Variants in SLC4A5 observed in about 807,000 individuals in gnomAD.
The protein encoded by SLC4A5 is solute carrier family 4 member 5.
SLC4A5 carries 96 observed loss-of-function variants against 120.4 expected under a neutral mutation model. The observed-to-expected ratio is 0.80, with a 90% CI of 0.68 to 0.94. The LOEUF (loss-of-function observed/expected upper bound fraction) is 0.94, where lower values mean the gene tolerates loss of function less well. Among genes scored for constraint, SLC4A5 ranks in the 40% least tolerant of loss-of-function variants. The pLI is 0.00. For missense variants in SLC4A5, 1,259 were observed against 1,459.5 expected, an observed-to-expected ratio of 0.86 and a Z score of 2.24; for synonymous variants, 550 against 571.1, an observed-to-expected ratio of 0.96 and a Z score of 0.53.
intron 7 of SLC4A5, 107 bp downstream of exon 7, chr2:74,304,382 T>C (rs1558904837): frequency 2.5e-6 from 3 of 1,180,014 alleles, no homozygotes; most frequent in East Asian, 2.4e-5. Context: ...GGCTGAGCCA[T>C]GTGGAGCGTT....
At position 74,226,947 on chromosome 2, in the gene SLC4A5, C is replaced by T; in HGVS notation, c.3090+10G>A. ...GCCAGGCAGGAGGGGGAAGCCCGTG[C>T]CCACTTTACCATGACCGGGAAGATG... On this transcript the variant is annotated intron_variant, in intron 27 of 30. Transcript: ENST00000394019. 6.2e-7 allele frequency: 1 copy of T among 1,610,464 alleles called. No individual in the cohort carries two copies. The highest frequency in any genetic ancestry group is 8.5e-7 in the Non-Finnish European group (1 of 1,177,506).
intron 19 of SLC4A5, among the ~76,000 whole-genome samples, 168 bp from the exon 20 acceptor site, chr2:74,242,220 T>C (rs576585573): frequency 2.8e-4 from 42 of 152,306 alleles, no homozygotes; most frequent in African/African-American, 9.9e-4. Context: ...AGGGAAGGGC[T>C]GGTGGGACAG....
At chr2:74,317,154 T>C (rs1672989940) in intron 5 of SLC4A5, among the ~76,000 whole-genome samples, 1 of 152,230 alleles carries the variant, frequency 6.6e-6, no homozygotes, top group Non-Finnish European at 1.5e-5. Context: ...GTCTCTGATC[T>C]AACCCTGAGG....
Position 74,252,866 on chromosome 2 carries a change from G to A in SLC4A5, c.1268+108C>T, listed in dbSNP as rs192869378. On this transcript the variant is annotated intron_variant, in intron 15 of 30. Coordinates refer to ENST00000394019, the Ensembl canonical transcript of SLC4A5. ...GCATCCCAAAGTGTTGAGATTACAG[G>A]CATGAGCCACTATGCTGAGCCTCAG... The A allele has an allele frequency of 9.6e-5, 128 of 1,336,836 alleles. No homozygotes were observed. In the African/African-American group the frequency reaches 1.6e-3, roughly 17 times the overall value. 82.8% of individuals were successfully genotyped at this position (1,336,836 alleles called of 1,614,324 possible). A position where few individuals can be genotyped will look rare whatever the true frequency, so the allele number is the denominator to read the frequency against.
At chr2:74,217,547 A>C (rs1694484990) in exon 31 of SLC4A5, 1 of 152,188 alleles carries the variant, frequency 6.6e-6, no homozygotes, top group Non-Finnish European at 1.5e-5. Context: ...AAACATTGAA[A>C]ATTTGCAGGG....
intron 20 of SLC4A5, among the ~76,000 whole-genome samples, chr2:74,241,472 G>T (rs1670442082): frequency 6.6e-6 from 1 of 151,804 alleles, no homozygotes; most frequent in African/African-American, 2.4e-5. Flanking sequence ...CAGGCGCGGT[G>T]GCTCACGCCT....
intron 29 of SLC4A5, 129 bp from the exon 30 acceptor site, chr2:74,221,630 G>A: frequency 1.1e-6 from 1 of 898,466 alleles, no homozygotes; most frequent in Admixed American, 2.1e-5. Flanking sequence ...AGGAATACGG[G>A]GCCTCAGAGA....
intron 7 of SLC4A5, among the ~76,000 whole-genome samples, chr2:74,301,878 T>C (rs1672483852): frequency 6.6e-6 from 1 of 152,208 alleles, no homozygotes; most frequent in Non-Finnish European, 1.5e-5. Context: ...CCGGAGTGTC[T>C]GGAACTGGGG....
chr2:74,299,599 A>C (rs1012289341), intron 7 of SLC4A5, among the ~76,000 whole-genome samples: 3 of 152,228 alleles, frequency 2.0e-5, no homozygotes, highest in African/African-American at 7.2e-5. Flanking sequence ...AGAAATAGCC[A>C]ATAGGTATAT....
intron 27 of SLC4A5, 38 bp from the exon 28 acceptor site, chr2:74,225,033 G>A (rs757706193): frequency 1.3e-6 from 2 of 1,591,848 alleles, no homozygotes; most frequent in East Asian, 2.2e-5. Context: ...TGAGAATTTG[G>A]AGAAAACTGT....
chr2:74,233,707 T>A, intron 22 of SLC4A5, 144 bp from the exon 23 acceptor site: 4 of 914,164 alleles, frequency 4.4e-6, no homozygotes, highest in South Asian at 3.6e-5. Context: ...ACACCTTAGG[T>A]AGCTGCAACT....
intron 5 of SLC4A5, among the ~76,000 whole-genome samples, chr2:74,325,023 T>C (rs1246724879): frequency 2.6e-5 from 4 of 152,214 alleles, no homozygotes; most frequent in Non-Finnish European, 5.9e-5. Context: ...AGTCAGTTAA[T>C]TTTGAACTGT....
intron 7 of SLC4A5, chr2:74,290,184 T>C: frequency 1.0e-6 from 1 of 985,548 alleles, no homozygotes; most frequent in South Asian, 4.7e-5. Flanking sequence ...AATGGACAGG[T>C]CCTGGAGAGA....
At chr2:74,225,688 G>C (rs1694817846) in intron 27 of SLC4A5, among the ~76,000 whole-genome samples, 1 of 152,130 alleles carries the variant, frequency 6.6e-6, no homozygotes, top group African/African-American at 2.4e-5. Flanking sequence ...CAAATCACTG[G>C]ATTCCCCCAG....
chr2:74,304,625 A>G, exon 7 of SLC4A5: 1 of 1,614,146 alleles, frequency 6.2e-7, no homozygotes, highest in Non-Finnish European at 8.5e-7. Context: ...CCTTCTGGTC[A>G]GTTTTTCTTT....
chr2:74,264,763 A>G (rs1266624646), intron 9 of SLC4A5, among the ~76,000 whole-genome samples: 1 of 152,146 alleles, frequency 6.6e-6, no homozygotes, highest in Non-Finnish European at 1.5e-5. Flanking sequence ...ATGACAGCTA[A>G]TTTCCTAAAG....
exon 22 of SLC4A5, chr2:74,235,196 C>A: frequency 6.2e-7 from 1 of 1,613,934 alleles, no homozygotes; most frequent in South Asian, 1.1e-5. Flanking sequence ...ATGGAAAAGT[C>A]AGCCACCAGG....
chr2:74,341,455 C>T (rs1673624171), intron 2 of SLC4A5, among the ~76,000 whole-genome samples: 1 of 152,072 alleles, frequency 6.6e-6, no homozygotes, highest in African/African-American at 2.4e-5. Context: ...GTTAAATAAC[C>T]TTGTATCTGA....
At chr2:74,242,112 C>A in intron 19 of SLC4A5, 60 bp from the exon 20 acceptor site, 1 of 1,502,068 alleles carries the variant, frequency 6.7e-7, no homozygotes. Flanking sequence ...GAGCTGCATT[C>A]CCAACCCCTT....
Sources: gnomAD v4.1 joint callset for allele counts (sites outside exome capture counted in the v4.1 genomes callset) on GRCh38, gnomAD v4.1.1 for gene constraint, MANE v1.5 for transcripts, NCBI Gene and HGNC (gene_info 2026-07-23, HGNC 2026-07-21) for gene names.